The following DPP8 variants were observed in gnomAD, a reference collection of about 807,000 sequenced individuals.
The protein encoded by DPP8 is DPP VIII.
Under a neutral mutation model 107.5 loss-of-function variants are expected in DPP8, and 31 were observed. The ratio of observed to expected loss-of-function variants is 0.29; its 90% CI spans 0.22 to 0.39. The LOEUF (loss-of-function observed/expected upper bound fraction) is 0.39. DPP8 is among the 10% of genes least tolerant of loss of function. DPP8 has a pLI of 1.00. For missense variants in DPP8, 842 were observed against 1,076.1 expected (o/e 0.78, Z 3.04); for synonymous variants, 381 against 356.6 (o/e 1.07, Z -0.77).
chr15:65,503,699 T>A (rs907202113), intron 3 of DPP8, among the ~76,000 whole-genome samples: 1 of 151,360 alleles, frequency 6.6e-6, no homozygotes, highest in Non-Finnish European at 1.5e-5. Flanking sequence ...TTAAGCTCAC[T>A]GCAACCTCTG....
intron 10 of DPP8, 68 bp from the exon 11 acceptor site, chr15:65,479,107 G>A: frequency 8.2e-6 from 9 of 1,099,312 alleles, no homozygotes; most frequent in South Asian, 4.1e-5. Flanking sequence ...TTAGGCTACA[G>A]GAAAAATTTC....
intron 14 of DPP8, among the ~76,000 whole-genome samples, chr15:65,464,169 C>T (rs1370456619): frequency 1.3e-5 from 2 of 152,028 alleles, no homozygotes; most frequent in Non-Finnish European, 2.9e-5. Context: ...TGAGACCATC[C>T]TGGCTAACAC....
chr15:65,504,651 G>C (rs1346306696), intron 3 of DPP8, among the ~76,000 whole-genome samples: 7 of 122,992 alleles, frequency 5.7e-5, no homozygotes, highest in African/African-American at 2.3e-4. Context: ...CCTGGCGACA[G>C]AGCAAGATTC....
Position 65,466,059 on chromosome 15 carries a change from C to T in DPP8, c.1825+619G>A, listed in dbSNP as rs114381948. Among the ~76,000 whole-genome samples, 532 of 152,296 alleles carry T rather than the reference C, an allele frequency of 3.5e-3. 3 individuals are homozygous for T. Among genetic ancestry groups the T allele is most frequent in the African/African-American group, 0.012 (514 of 41,566 alleles). Reference sequence around the variant, plus strand: ...TACTAGTTCAGAATACTATTCTCCTCAAGTTCATTTGTTTACCTGAGAAAT... The same window carrying T: ...TACTAGTTCAGAATACTATTCTCCTTAAGTTCATTTGTTTACCTGAGAAAT... On this transcript the variant is annotated intron_variant, in intron 14 of 19. Coordinates refer to ENST00000300141, the MANE Select transcript of DPP8 (RefSeq NM_130434.5).
chr15:65,447,136 A>G (rs2063538205), intron 19 of DPP8, 130 bp from the exon 20 acceptor site: 1 of 589,180 alleles, frequency 1.7e-6, no homozygotes, highest in African/African-American at 1.9e-5. Flanking sequence ...ATATTGTAGA[A>G]TAAATCCTAT....
At chr15:65,451,238 AT>A in intron 18 of DPP8, 128 bp from the exon 19 acceptor site, 2 of 617,446 alleles carry the variant, frequency 3.2e-6, no homozygotes, top group South Asian at 2.0e-5. Flanking sequence ...AGAATTCAGT[AT>A]TTTCAATATT....
At chr15:65,512,151 T>C in intron 2 of DPP8, 144 bp downstream of exon 2, 1 of 825,066 alleles carries the variant, frequency 1.2e-6, no homozygotes, top group Non-Finnish European at 2.0e-6. Context: ...CAAAATCGAA[T>C]TCTTCAAATT....
intron 7 of DPP8, among the ~76,000 whole-genome samples, chr15:65,487,176 T>C (rs1394566644): frequency 2.6e-5 from 4 of 151,488 alleles, no homozygotes; most frequent in Non-Finnish European, 4.4e-5. Flanking sequence ...TGAGATAGAG[T>C]TTCACTCTTG....
At chr15:65,470,195 C>CAAAAAAAAAAAAAAAAAAAAAAAAAAA (rs11310623) in intron 12 of DPP8, among the ~76,000 whole-genome samples, 1 of 58,488 alleles carries the variant, frequency 1.7e-5, no homozygotes, top group Non-Finnish European at 3.2e-5. Flanking sequence ...ACTCTTGTCT[C>CAAAAAAAAAAAAAAAAAAAAAAAAAAA]AAAAAAAAAA....
intron 5 of DPP8, 47 bp from the exon 6 acceptor site, chr15:65,490,346 A>G (rs2067903506): frequency 8.5e-7 from 1 of 1,174,954 alleles, no homozygotes; most frequent in East Asian, 2.3e-5. Flanking sequence ...CTATCTTTTC[A>G]TAGGTACAAA....
intron 3 of DPP8, among the ~76,000 whole-genome samples, chr15:65,504,680 A>AC (rs2069728638): frequency 6.6e-6 from 1 of 151,246 alleles, no homozygotes; most frequent in African/African-American, 2.4e-5. Context: ...AAAAAAAAAA[A>AC]AAAAAACTGT....
chr15:65,443,100 A>T lies in DPP8; in HGVS notation c.*3784T>A, dbSNP rs2063354481. 6.6e-6 allele frequency: 1 copy of T among 152,254 alleles called. No homozygotes were observed. The allele number at this position is 152,254 out of a possible 1,614,324, so 9.4% of individuals were successfully genotyped here. On this transcript the variant is annotated 3_prime_UTR_variant, in exon 20 of 20. Transcript: ENST00000300141. ...CAGAAGTACTGCTTCATTAATAAAC[A>T]TGCTTAGCATTTACTTTGGAATGGA... is the stretch of plus-strand genomic sequence containing the variant.
intron 15 of DPP8, chr15:65,458,806 GAAC>G (rs2064665591): frequency 6.6e-6 from 1 of 151,982 alleles, no homozygotes; most frequent in Admixed American, 6.6e-5. Flanking sequence ...TTGACCACAT[GAAC>G]ATCATACTCT....
At chr15:65,508,852 C>CA (rs897390633) in intron 2 of DPP8, among the ~76,000 whole-genome samples, 55 of 136,382 alleles carry the variant, frequency 4.0e-4, no homozygotes, top group South Asian at 1.9e-3. Context: ...AACTCCATCT[C>CA]AAAAAAAAAA....
At chr15:65,453,428 AAT>A (rs1190179187) in intron 17 of DPP8, among the ~76,000 whole-genome samples, 3 of 150,778 alleles carry the variant, frequency 2.0e-5, no homozygotes, top group Admixed American at 2.0e-4. Context: ...TTAAAAGAAA[AAT>A]ATACACACAC....
intron 7 of DPP8, among the ~76,000 whole-genome samples, chr15:65,486,652 C>T (rs1392184196): frequency 6.6e-6 from 1 of 151,848 alleles, no homozygotes; most frequent in Non-Finnish European, 1.5e-5. Context: ...ACTATTCAAC[C>T]ATAAAAAGGA....
chr15:65,498,546 G>A (rs1416353384), intron 4 of DPP8, among the ~76,000 whole-genome samples: 1 of 151,902 alleles, frequency 6.6e-6, no homozygotes, highest in African/African-American at 2.4e-5. Flanking sequence ...AACAGGAGAG[G>A]ACATAAAGGA....
At chr15:65,487,222 T>A (rs1373433348) in intron 7 of DPP8, among the ~76,000 whole-genome samples, 1 of 152,068 alleles carries the variant, frequency 6.6e-6, no homozygotes, top group Non-Finnish European at 1.5e-5. Context: ...TGATCTCAAC[T>A]CACTACAACC....
chr15:65,448,531 G>A (rs1484785635), intron 19 of DPP8, among the ~76,000 whole-genome samples: 3 of 151,040 alleles, frequency 2.0e-5, no homozygotes, highest in Non-Finnish European at 4.4e-5. Context: ...AATTAGCCAG[G>A]CGTGGTGGCG....
Sources: gnomAD v4.1 joint callset for allele counts (sites outside exome capture counted in the v4.1 genomes callset) on GRCh38, gnomAD v4.1.1 for gene constraint, MANE v1.5 for transcripts, NCBI Gene and HGNC (gene_info 2026-07-23, HGNC 2026-07-21) for gene names.